The following KCNH7 variants were observed in gnomAD, a reference collection of about 807,000 sequenced individuals.
KCNH7 encodes voltage-gated inwardly rectifying potassium channel KCNH7.
In KCNH7, 49 loss-of-function variants were observed where a neutral mutation model predicts 120.8. The ratio of observed to expected loss-of-function variants is 0.41; its 90% CI spans 0.32 to 0.51. The LOEUF (loss-of-function observed/expected upper bound fraction) is 0.51, where lower values mean the gene tolerates loss of function less well. Ranked by LOEUF, KCNH7 falls within the 20% of genes least tolerant of loss-of-function variation. The probability of loss-of-function intolerance (pLI) is 0.38; values close to 1 mark genes in which losing one functional copy is unlikely to be tolerated. For synonymous variants in KCNH7, 547 were observed against 516.1 expected (o/e 1.06, Z -0.81); for missense variants, 1,097 against 1,446.6 (o/e 0.76, Z 3.92).
chr2:162,736,490 G>A (rs2105401147), intron 2 of KCNH7, among the ~76,000 whole-genome samples: 1 of 152,224 alleles, frequency 6.6e-6, no homozygotes, highest in South Asian at 2.1e-4. Context: ...AAGGTGATTT[G>A]CTTTTATAAA....
At chr2:162,716,361 C>G (rs1377348527) in intron 2 of KCNH7, among the ~76,000 whole-genome samples, 1 of 152,044 alleles carries the variant, frequency 6.6e-6, no homozygotes, top group Non-Finnish European at 1.5e-5. Context: ...TTCTCAAAAA[C>G]TAAAAAGGCA....
chr2:162,661,967 C>A (rs966232674), intron 2 of KCNH7, among the ~76,000 whole-genome samples: 1 of 151,672 alleles, frequency 6.6e-6, no homozygotes, highest in Admixed American at 6.6e-5. Flanking sequence ...CTTTTTTCAA[C>A]TTTAAAGAAA....
At chr2:162,777,536 T>C (rs956704854) in intron 2 of KCNH7, among the ~76,000 whole-genome samples, 1 of 152,120 alleles carries the variant, frequency 6.6e-6, no homozygotes, top group Non-Finnish European at 1.5e-5. Flanking sequence ...AGAGTAAATA[T>C]TGAAGTTGAG....
intron 8 of KCNH7, among the ~76,000 whole-genome samples, chr2:162,431,403 A>AT (rs1365985137): frequency 1.3e-5 from 2 of 151,988 alleles, no homozygotes; most frequent in African/African-American, 4.8e-5. Context: ...AAACCATATC[A>AT]TTTTTGAATA....
chr2:162,691,737 A>G (rs767924537), intron 2 of KCNH7, among the ~76,000 whole-genome samples: 2 of 152,124 alleles, frequency 1.3e-5, no homozygotes, highest in Non-Finnish European at 2.9e-5. Context: ...CATTTCCTCA[A>G]CACACCCCAC....
intron 6 of KCNH7, among the ~76,000 whole-genome samples, chr2:162,460,345 A>G (rs1689104684): frequency 6.6e-6 from 1 of 152,078 alleles, no homozygotes; most frequent in African/African-American, 2.4e-5. Flanking sequence ...ATGGTGCCCT[A>G]TGTCAGCTTA....
At chr2:162,598,349 A>C (rs1324770694) in intron 2 of KCNH7, among the ~76,000 whole-genome samples, 1 of 152,102 alleles carries the variant, frequency 6.6e-6, no homozygotes, top group African/African-American at 2.4e-5. Context: ...CACAAGTGAG[A>C]AAAACCCCTT....
intron 2 of KCNH7, among the ~76,000 whole-genome samples, chr2:162,600,257 T>C (rs1694507201): frequency 1.3e-5 from 2 of 152,082 alleles, no homozygotes; most frequent in African/African-American, 2.4e-5. Context: ...TTCTCTACAC[T>C]GGGGCTTAGA....
At chr2:162,630,649 G>A (rs1683734725) in intron 2 of KCNH7, among the ~76,000 whole-genome samples, 1 of 151,968 alleles carries the variant, frequency 6.6e-6, no homozygotes, top group Non-Finnish European at 1.5e-5. Context: ...TCCTTTTTGA[G>A]AATATTAATA....
intron 3 of KCNH7, among the ~76,000 whole-genome samples, chr2:162,534,962 A>G (rs532655372): frequency 6.6e-6 from 1 of 151,810 alleles, no homozygotes; most frequent in East Asian, 1.9e-4. Flanking sequence ...TAATAACTTC[A>G]TTTATAAAAT....
chr2:162,672,692 GT>G (rs1261079207), intron 2 of KCNH7, among the ~76,000 whole-genome samples: 1 of 151,888 alleles, frequency 6.6e-6, no homozygotes, highest in Non-Finnish European at 1.5e-5. Context: ...ATTGTTCTAA[GT>G]TTTTTATTTT....
chr2:162,741,245 T>C (rs1189492028), intron 2 of KCNH7, among the ~76,000 whole-genome samples: 3 of 149,706 alleles, frequency 2.0e-5, no homozygotes, highest in African/African-American at 7.3e-5. Context: ...TAATAACATA[T>C]GTTATTAGTT....
In KCNH7 at chr2:162,395,751, G is replaced by T. The variant is rs1416167408; in HGVS notation, c.2613+989C>A. 2.6e-5 allele frequency among the ~76,000 whole-genome samples: 4 copies of T among 151,624 alleles called. No homozygotes were observed. The South Asian group carries it at 6.2e-4, about 24-fold the overall frequency. Reference sequence around the variant, plus strand: ...AATAATTATCTGAACTGGTGTATCAGGGTATTAAATGGCATCTAGGGGCCC... The same window carrying T: ...AATAATTATCTGAACTGGTGTATCATGGTATTAAATGGCATCTAGGGGCCC... On this transcript the variant is annotated intron_variant, in intron 11 of 15. Coordinates refer to ENST00000332142, the MANE Select transcript of KCNH7 (RefSeq NM_033272.4).
intron 2 of KCNH7, among the ~76,000 whole-genome samples, chr2:162,540,265 A>G (rs891905599): frequency 3.3e-5 from 5 of 150,324 alleles, no homozygotes; most frequent in Admixed American, 3.3e-4. Context: ...ATGCAAATAT[A>G]CTAATATTGC....
chr2:162,526,528 C>T (rs113724196), intron 3 of KCNH7, among the ~76,000 whole-genome samples: 2,234 of 152,044 alleles, frequency 0.015, 58 homozygotes, highest in African/African-American at 0.051. Flanking sequence ...CTCAGGGATG[C>T]ATTCTGTTTC....
At chr2:162,804,669 T>A (rs1684471425) in intron 2 of KCNH7, among the ~76,000 whole-genome samples, 1 of 151,820 alleles carries the variant, frequency 6.6e-6, no homozygotes, top group Non-Finnish European at 1.5e-5. Context: ...ATGGCCATAC[T>A]GCCCAAAACC....
At chr2:162,545,533 C>T (rs947113465) in intron 2 of KCNH7, among the ~76,000 whole-genome samples, 5 of 152,184 alleles carry the variant, frequency 3.3e-5, no homozygotes. Context: ...AGGCCACTGT[C>T]ACCTATTTGA....
chr2:162,441,354 A>G (rs1298304875), intron 7 of KCNH7, among the ~76,000 whole-genome samples: 2 of 152,158 alleles, frequency 1.3e-5, no homozygotes, highest in Admixed American at 6.5e-5. Context: ...CCTTGCATCA[A>G]TTTCACAATT....
At chr2:162,564,790 C>G (rs112673940) in intron 2 of KCNH7, among the ~76,000 whole-genome samples, 24 of 152,220 alleles carry the variant, frequency 1.6e-4, no homozygotes, top group African/African-American at 5.1e-4. Flanking sequence ...GATCCGCATT[C>G]TGTTCACTTT....
Sources: allele counts gnomAD v4.1 joint callset (sites outside exome capture counted in the v4.1 genomes callset), GRCh38; gene constraint gnomAD v4.1.1; transcripts MANE v1.5; gene names NCBI Gene and HGNC (gene_info 2026-07-23, HGNC 2026-07-21).